OPRM1: variants seen among roughly 807,000 people sequenced by gnomAD.
OPRM1 encodes the protein mu-type opioid receptor.
OPRM1 carries 27 observed loss-of-function variants against 31.8 expected under a neutral mutation model. That is an observed-to-expected ratio of 0.85 (90% CI 0.63 to 1.17). The LOEUF (loss-of-function observed/expected upper bound fraction) is 1.17, where lower values mean the gene tolerates loss of function less well. Ranked by LOEUF, OPRM1 falls within the 50% of genes most tolerant of loss-of-function variation. OPRM1 has a pLI of 0.00. For synonymous variants in OPRM1, 196 were observed against 189.9 expected, an observed-to-expected ratio of 1.03 and a Z score of -0.26; for missense variants, 536 against 511.1, an observed-to-expected ratio of 1.05 and a Z score of -0.47.
downstream of OPRM1, among the ~76,000 whole-genome samples, chr6:154,137,347 A>G (rs1004638774): frequency 4.6e-5 from 7 of 152,180 alleles, no homozygotes; most frequent in Admixed American, 4.6e-4. Flanking sequence ...TTACCTCTGA[A>G]TATACTTGCT....
At chr6:154,110,436 G>C in intron 3 of OPRM1, 1 of 1,448,216 alleles carries the variant, frequency 6.9e-7, no homozygotes, top group Middle Eastern at 1.7e-4. Context: ...TCCCGTGAAA[G>C]AATATAAGAT....
chr6:154,153,134 T>A (rs1212463928), intron 3 of OPRM1, among the ~76,000 whole-genome samples: 1 of 152,194 alleles, frequency 6.6e-6, no homozygotes, highest in Non-Finnish European at 1.5e-5. Flanking sequence ...AAATTCAAGT[T>A]ACGGGGTGTG....
chr6:154,210,806 G>A (rs1456349838), intron 3 of OPRM1, among the ~76,000 whole-genome samples: 1 of 151,936 alleles, frequency 6.6e-6, no homozygotes, highest in Non-Finnish European at 1.5e-5. Context: ...GCTTAATTTT[G>A]GCTAATCATA....
intron 3 of OPRM1, among the ~76,000 whole-genome samples, chr6:154,109,921 T>C (rs1465994730): frequency 1.3e-5 from 2 of 152,014 alleles, no homozygotes; most frequent in East Asian, 3.9e-4. Context: ...GGACACCTTA[T>C]AACATCTCAC....
chr6:154,049,547 T>C (rs1201067400), intron 1 of OPRM1, among the ~76,000 whole-genome samples: 1 of 152,282 alleles, frequency 6.6e-6, no homozygotes. Flanking sequence ...AATTTTCAAA[T>C]ACAGAATCCT....
intron 3 of OPRM1, among the ~76,000 whole-genome samples, chr6:154,243,998 C>T (rs533778602): frequency 6.6e-6 from 1 of 152,312 alleles, no homozygotes; most frequent in East Asian, 1.9e-4. Context: ...ACTCTGCTAC[C>T]TCTCAGCATT....
At chr6:154,157,432 G>C (rs2236257) in intron 3 of OPRM1, 25,841 of 152,248 alleles carry the variant, frequency 0.17, 2,758 homozygotes, top group Non-Finnish European at 0.23. Flanking sequence ...TGCAAAGTAA[G>C]CTTTAACTAG....
intron 1 of OPRM1, among the ~76,000 whole-genome samples, chr6:154,033,054 G>T (rs1779098955): frequency 6.6e-6 from 1 of 152,148 alleles, no homozygotes; most frequent in Admixed American, 6.5e-5. Flanking sequence ...ATGCTGAAAA[G>T]GTTAATAGAG....
exon 1 of OPRM1, chr6:154,010,587 A>T: frequency 1.3e-6 from 2 of 1,539,150 alleles, no homozygotes; most frequent in Non-Finnish European, 1.8e-6. Flanking sequence ...TACTCCTCTG[A>T]GCTCAAAGGA....
At chr6:154,141,240 A>G (rs886429115) in intron 3 of OPRM1, among the ~76,000 whole-genome samples, 4 of 152,242 alleles carry the variant, frequency 2.6e-5, no homozygotes, top group Non-Finnish European at 5.9e-5. Context: ...AGCGCGTGTT[A>G]ATGTTATAAA....
In OPRM1 at chr6:154,100,170, TATA is replaced by T. The variant is rs1247804549; in HGVS notation, c.1164+8699_1164+8701del. 1.4e-3 allele frequency among the ~76,000 whole-genome samples: 176 copies of T among 123,494 alleles called. 3 individuals are homozygous for T. Among genetic ancestry groups the T allele is most frequent in the African/African-American group, 5.8e-3 (166 of 28,794 alleles). 81.0% of individuals were successfully genotyped at this position (123,494 alleles called of 152,430 possible). The stretch of plus-strand genomic sequence containing the variant: ...TATCATATTATGACGTATCATAATA[TATA>T]TTATCATATTATGACATATCATAAT... On this transcript the variant is annotated intron_variant, in intron 3 of 3. Coordinates refer to ENST00000330432, the MANE Select transcript of OPRM1 (RefSeq NM_000914.5).
At chr6:154,013,661 G>A (rs1025097442) in intron 1 of OPRM1, among the ~76,000 whole-genome samples, 4 of 152,116 alleles carry the variant, frequency 2.6e-5, no homozygotes, top group African/African-American at 9.7e-5. Flanking sequence ...TCAGCAATAC[G>A]TATTTATTGC....
chr6:154,245,731 A>G (rs1780980154), intron 3 of OPRM1, among the ~76,000 whole-genome samples: 1 of 152,134 alleles, frequency 6.6e-6, no homozygotes, highest in Non-Finnish European at 1.5e-5. Context: ...CAGTACTACA[A>G]AGGGACTCAC....
At chr6:154,156,046 A>G (rs1429461238) in intron 3 of OPRM1, 1 of 152,264 alleles carries the variant, frequency 6.6e-6, no homozygotes, top group African/African-American at 2.4e-5. Flanking sequence ...ACATGCCTCA[A>G]AAAGCAAACA....
Position 154,196,387 on chromosome 6 carries a change from A to G in OPRM1, c.1165-50306A>G, listed in dbSNP as rs1776626265. Among the ~76,000 whole-genome samples the G allele has an allele frequency of 3.9e-5, 6 of 152,306 alleles. 1 individual carries two copies. In the South Asian group the frequency reaches 1.2e-3, roughly 32 times the overall value. On this transcript the variant is annotated intron_variant, in intron 3 of 3. Transcript: ENST00000337049. ...TTTCCTGAAACATCATGCATGCTCT[A>G]GAATGCCTGCCTCTTCTTTAACAAT...
At chr6:154,056,057 C>G (rs1465930267) in intron 1 of OPRM1, among the ~76,000 whole-genome samples, 2 of 152,210 alleles carry the variant, frequency 1.3e-5, no homozygotes, top group Non-Finnish European at 2.9e-5. Context: ...CCTGTTGAGT[C>G]TGATTCTCTA....
chr6:154,143,987 G>C (rs1040981605), intron 3 of OPRM1, among the ~76,000 whole-genome samples: 6 of 151,976 alleles, frequency 3.9e-5, no homozygotes, highest in Non-Finnish European at 8.8e-5. Flanking sequence ...AATGAAACAG[G>C]GTTTTCAGTA....
intron 3 of OPRM1, among the ~76,000 whole-genome samples, chr6:154,215,730 T>C (rs868201801): frequency 6.6e-6 from 1 of 152,176 alleles, no homozygotes; most frequent in Non-Finnish European, 1.5e-5. Flanking sequence ...AACTCCTTAG[T>C]AGCCACTTAA....
chr6:154,146,475 G>A (rs1010886696), intron 3 of OPRM1, among the ~76,000 whole-genome samples: 2 of 152,130 alleles, frequency 1.3e-5, no homozygotes, highest in Non-Finnish European at 2.9e-5. Context: ...GGTGGATAAG[G>A]GTAACACTTA....
Sources: allele counts gnomAD v4.1 joint callset (sites outside exome capture counted in the v4.1 genomes callset), GRCh38; gene constraint gnomAD v4.1.1; transcripts MANE v1.5; gene names NCBI Gene and HGNC (gene_info 2026-07-23, HGNC 2026-07-21).